Variants in ZNF385D observed in about 807,000 individuals in gnomAD.
The protein encoded by ZNF385D is zinc finger protein 385D.
Under a neutral mutation model 35.8 loss-of-function variants are expected in ZNF385D, and 15 were observed. The ratio of observed to expected loss-of-function variants is 0.42; its 90% CI spans 0.28 to 0.64. The LOEUF (loss-of-function observed/expected upper bound fraction) is 0.64. Among genes scored for constraint, ZNF385D ranks in the 30% least tolerant of loss-of-function variants. ZNF385D has a pLI of 0.23. For synonymous variants in ZNF385D, 212 were observed against 186.8 expected (o/e 1.13, Z -1.10); for missense variants, 474 against 494.6 (o/e 0.96, Z 0.39).
chr3:21,715,346 A>T (rs939914922), intron 1 of ZNF385D, among the ~76,000 whole-genome samples: 6 of 151,862 alleles, frequency 4.0e-5, no homozygotes, highest in African/African-American at 1.2e-4. Flanking sequence ...AGACCATGTG[A>T]TATTTGTCTT....
chr3:22,173,181 C>T (rs184391756), intron 2 of ZNF385D, among the ~76,000 whole-genome samples: 1 of 152,144 alleles, frequency 6.6e-6, no homozygotes, highest in African/African-American at 2.4e-5. Flanking sequence ...TAGGGGAAGT[C>T]TGAGAAATTG....
At chr3:22,161,557 A>G (rs1382872707) in intron 3 of ZNF385D, among the ~76,000 whole-genome samples, 1 of 152,128 alleles carries the variant, frequency 6.6e-6, no homozygotes, top group Non-Finnish European at 1.5e-5. Flanking sequence ...GGAATATGGA[A>G]AAGTCAACAC....
At chr3:21,962,694 C>G (rs1250879475) in intron 3 of ZNF385D, among the ~76,000 whole-genome samples, 1 of 152,106 alleles carries the variant, frequency 6.6e-6, no homozygotes, top group Admixed American at 6.6e-5. Context: ...GTGTCCAATT[C>G]TCTGTGGAAA....
chr3:22,069,413 G>A (rs1320912521), intron 3 of ZNF385D, among the ~76,000 whole-genome samples: 3 of 152,150 alleles, frequency 2.0e-5, no homozygotes, highest in Non-Finnish European at 4.4e-5. Context: ...GCCTCGGGGT[G>A]GGGAGAGAGG....
intron 3 of ZNF385D, among the ~76,000 whole-genome samples, chr3:22,130,501 G>C (rs1240358483): frequency 1.3e-5 from 2 of 152,114 alleles, no homozygotes; most frequent in Admixed American, 1.3e-4. Flanking sequence ...ATTTCCCCTT[G>C]GGTAGCGCTG....
At chr3:22,200,615 C>T (rs372266535) in intron 2 of ZNF385D, among the ~76,000 whole-genome samples, 1 of 152,108 alleles carries the variant, frequency 6.6e-6, no homozygotes, top group African/African-American at 2.4e-5. Flanking sequence ...GTTTTGAGAG[C>T]AACTAGTCTG....
chr3:22,372,377 C>T (rs1696951881), intron 2 of ZNF385D: 3 of 935,184 alleles, frequency 3.2e-6, no homozygotes, highest in African/African-American at 1.8e-5. Context: ...GGGGCGCAAC[C>T]CTAGCTCCTT....
intron 2 of ZNF385D, among the ~76,000 whole-genome samples, chr3:22,315,504 A>T (rs1703838130): frequency 6.6e-6 from 1 of 152,248 alleles, no homozygotes; most frequent in African/African-American, 2.4e-5. Context: ...ATTTGGGAAG[A>T]GATAAAGAAA....
chr3:21,421,492 A>G (rs933006029), intron 7 of ZNF385D, 45 bp from the exon 8 acceptor site: 1 of 1,488,564 alleles, frequency 6.7e-7, no homozygotes, highest in Non-Finnish European at 9.2e-7. Context: ...CAGTTTTGGA[A>G]TTTGTACTTA....
At chr3:22,279,789 T>C (rs1360629651) in intron 2 of ZNF385D, among the ~76,000 whole-genome samples, 4 of 151,920 alleles carry the variant, frequency 2.6e-5, no homozygotes, top group Non-Finnish European at 4.4e-5. Context: ...TCTTTTCCTC[T>C]GGGTAGATAC....
At chr3:21,825,084 T>TG (rs570194120) in intron 3 of ZNF385D, among the ~76,000 whole-genome samples, 2 of 152,236 alleles carry the variant, frequency 1.3e-5, no homozygotes, top group Non-Finnish European at 2.9e-5. Flanking sequence ...ATCAGTACCA[T>TG]ATAAGTCACT....
chr3:22,159,780 CTTA>C (rs1705829045), intron 3 of ZNF385D, among the ~76,000 whole-genome samples: 5 of 152,166 alleles, frequency 3.3e-5, no homozygotes, highest in Admixed American at 3.3e-4. Flanking sequence ...AATACAGTGT[CTTA>C]TTATATATTT....
intron 7 of ZNF385D, among the ~76,000 whole-genome samples, chr3:21,422,479 C>T (rs778624552): frequency 6.6e-6 from 1 of 152,126 alleles, no homozygotes; most frequent in Non-Finnish European, 1.5e-5. Flanking sequence ...GAACTTCTCC[C>T]TAACTCATTC....
At chr3:22,196,032 G>A (rs552555424) in intron 2 of ZNF385D, among the ~76,000 whole-genome samples, 1 of 151,880 alleles carries the variant, frequency 6.6e-6, no homozygotes, top group South Asian at 2.1e-4. Context: ...GAGGGTGGAG[G>A]GTAAGAGGAG....
At chr3:21,927,001 G>C (rs1420188162) in intron 3 of ZNF385D, among the ~76,000 whole-genome samples, 1 of 152,108 alleles carries the variant, frequency 6.6e-6, no homozygotes, top group Non-Finnish European at 1.5e-5. Flanking sequence ...CTAGTGGGAG[G>C]TGTTTGGGTA....
At chr3:22,232,511 G>A (rs1001705862) in intron 2 of ZNF385D, among the ~76,000 whole-genome samples, 1 of 152,020 alleles carries the variant, frequency 6.6e-6, no homozygotes, top group Admixed American at 6.6e-5. Flanking sequence ...CCTATATTAG[G>A]TATTTCTCCT....
chr3:22,186,338 T>G (rs1311517889), intron 2 of ZNF385D, among the ~76,000 whole-genome samples: 2 of 152,032 alleles, frequency 1.3e-5, no homozygotes, highest in African/African-American at 4.8e-5. Context: ...TCCAGAGACA[T>G]GAAGAAATAC....
intron 3 of ZNF385D, among the ~76,000 whole-genome samples, chr3:21,771,819 C>T (rs1038021003): frequency 6.6e-6 from 1 of 151,828 alleles, no homozygotes; most frequent in East Asian, 1.9e-4. Context: ...CTCACACTTA[C>T]TGATTTTAAA....
intron 1 of ZNF385D, among the ~76,000 whole-genome samples, chr3:21,716,499 G>A (rs1330193463): frequency 6.6e-6 from 1 of 152,078 alleles, no homozygotes; most frequent in Non-Finnish European, 1.5e-5. Context: ...ACATACCAGA[G>A]ACAGTTTTCC....
Sources: gnomAD v4.1 joint callset for allele counts (sites outside exome capture counted in the v4.1 genomes callset) on GRCh38, gnomAD v4.1.1 for gene constraint, MANE v1.5 for transcripts, NCBI Gene and HGNC (gene_info 2026-07-23, HGNC 2026-07-21) for gene names.